MAN2C1: variants seen among roughly 807,000 people sequenced by gnomAD.
MAN2C1 encodes the protein alpha-mannosidase 2C1.
MAN2C1 carries 111 observed loss-of-function variants against 126.9 expected under a neutral mutation model. The ratio of observed to expected loss-of-function variants is 0.87; its 90% CI spans 0.75 to 1.02. The LOEUF (loss-of-function observed/expected upper bound fraction) is 1.02. Ranked by LOEUF, MAN2C1 falls within the 50% of genes least tolerant of loss-of-function variation. The pLI is 0.00. For missense variants in MAN2C1, 1,363 were observed against 1,364.4 expected, an observed-to-expected ratio of 1.00 and a Z score of 0.02; for synonymous variants, 567 against 561.5, an observed-to-expected ratio of 1.01 and a Z score of -0.14.
In MAN2C1 at chr15:75,366,425, G is replaced by A. The variant is rs951579694; in HGVS notation, c.422+97C>T. Reference sequence around the variant, plus strand: ...ATGTGAGGATGATTGTGCTAGAGCAGAGGCGGGCTTATGAGATCACTCTGG... The same window carrying A: ...ATGTGAGGATGATTGTGCTAGAGCAAAGGCGGGCTTATGAGATCACTCTGG... On this transcript the variant is annotated intron_variant, in intron 4 of 25. Coordinates refer to ENST00000267978, the MANE Select transcript of MAN2C1 (RefSeq NM_006715.4). The A allele has an allele frequency of 6.9e-5, 65 of 946,356 alleles. No homozygotes were observed. In the Admixed American group the frequency reaches 1.4e-3, roughly 21 times the overall value. 58.6% of individuals were successfully genotyped at this position (946,356 alleles called of 1,614,324 possible).
rs868667328 is a variant in MAN2C1, at chr15:75,365,698, C to T, written c.422+824G>A. On this transcript the variant is annotated intron_variant, in intron 4 of 25. Transcript: ENST00000267978. ...CCGAGATCGTGCCATTGCACTCCAG[C>T]CTGGGTAACAAAAGCGAAACTCCGT... 4 of 221,786 alleles carry T rather than the reference C, an allele frequency of 1.8e-5. No individual in the cohort carries two copies. In the Middle Eastern group the frequency reaches 1.9e-3, roughly 104 times the overall value. The allele number at this position is 221,786 out of a possible 1,614,324, so 13.7% of individuals were successfully genotyped here.
chr15:75,367,813 G>A, intron 2 of MAN2C1, 179 bp from the exon 3 acceptor site: 1 of 917,152 alleles, frequency 1.1e-6, no homozygotes, highest in Non-Finnish European at 1.6e-6. Context: ...GAAACAGGCA[G>A]AGGCGTCAAA....
In MAN2C1 at chr15:75,356,659, G is replaced by C; in HGVS notation, c.2684C>G (p.Ala895Gly). The C allele has an allele frequency of 6.3e-7, 1 of 1,581,622 alleles. No homozygotes were observed. The highest frequency in any genetic ancestry group is 8.6e-7 in the Non-Finnish European group (1 of 1,164,186). ...SLLRAPKAPD[A>G]TADTGRHEFT... ...CTCGTGGCGCCCCGTGTCAGCAGTA[G>C]CGTCCGGGGCTTTAGGCGCCCGCAA... The change falls in exon 23 of 26, where the codon GCT becomes GGT. Residue 895 changes from alanine (A) to glycine (G), a missense_variant. Around this residue, in one of 3 missense-constraint regions of MAN2C1, gnomAD observed 668 missense variants for 650.1 expected, o/e 1.03. Coordinates refer to ENST00000267978, the MANE Select transcript of MAN2C1 (RefSeq NM_006715.4). This position sits in a 1 kb window ranked among gnomAD's most constrained non-coding sequence, Gnocchi z 5.8.
chr15:75,362,850 T>G lies in MAN2C1; in HGVS notation c.791-102A>C. ...CTAGCCCCCCTCCCATCCCAGGCCCTTCACCCTGGAAAGCCCTGTGGTGTC... is the reference window on the plus strand; with the variant it reads ...CTAGCCCCCCTCCCATCCCAGGCCCGTCACCCTGGAAAGCCCTGTGGTGTC... On this transcript the variant is annotated intron_variant, in intron 6 of 25. Transcript: ENST00000267978. This position sits in a 1 kb window ranked among gnomAD's most constrained non-coding sequence, Gnocchi z 4.5. 1 of 959,930 alleles carries G rather than the reference T, an allele frequency of 1.0e-6. No homozygotes were observed. The highest frequency in any genetic ancestry group is 1.6e-6 in the Non-Finnish European group (1 of 614,616). 59.5% of individuals were successfully genotyped at this position (959,930 alleles called of 1,614,324 possible).
chr15:75,360,506 T>C, intron 13 of MAN2C1, 59 bp downstream of exon 13: 1 of 1,598,524 alleles, frequency 6.3e-7, no homozygotes, highest in Non-Finnish European at 8.5e-7. Context: ...CTGCCTTCTC[T>C]GACCCTCTGC....
rs1036428832 is a variant in MAN2C1, at chr15:75,362,933, G to A, written c.791-185C>T. ...GAGGTGGGAGGAGGGGCTGGGGAAA[G>A]GAGGCGGCAGTGCTATGAGGCCAAT... is the stretch of plus-strand genomic sequence containing the variant. On this transcript the variant is annotated intron_variant, in intron 6 of 25. Transcript: ENST00000267978. The surrounding 1 kb of genome is among the most constrained non-coding windows in gnomAD (Gnocchi z 4.5). 11 of 598,784 alleles carry A rather than the reference G, an allele frequency of 1.8e-5. No homozygotes were observed. Among genetic ancestry groups the A allele is most frequent in the African/African-American group, 1.5e-4 (8 of 53,902 alleles). 37.1% of individuals were successfully genotyped at this position (598,784 alleles called of 1,614,324 possible).
chr15:75,360,802 C>T, intron 12 of MAN2C1, 114 bp from the exon 13 acceptor site: 1 of 1,417,134 alleles, frequency 7.1e-7, no homozygotes, highest in Non-Finnish European at 9.6e-7. Context: ...CCAGAAAGCT[C>T]CCCGTTCACA....
intron 6 of MAN2C1, 24 bp downstream of exon 6, chr15:75,363,975 C>T (rs781014274): frequency 6.2e-7 from 1 of 1,611,780 alleles, no homozygotes; most frequent in Admixed American, 1.7e-5. Context: ...CTTCCCCAGC[C>T]AGCCCAACCA....
Position 75,355,949 on chromosome 15 carries a change from T to C in MAN2C1, c.3080A>G (p.Gln1027Arg), listed in dbSNP as rs2072278430. The C allele has an allele frequency of 6.2e-7, 1 of 1,613,968 alleles. No homozygotes were observed. ...NRLKLTFSPF[Q>R]VLSLLLVLQP... The stretch of plus-strand genomic sequence containing the variant: ...AAGCACGAGCAACAGGGACAGCACT[T>C]GGAAGGGAGAAAAGGTGAGCTTCAG... The change falls in exon 26 of 26, where the codon CAA becomes CGA. Residue 1027 changes from glutamine to arginine, a missense_variant. Transcript: ENST00000267978.
intron 3 of MAN2C1, among the ~76,000 whole-genome samples, chr15:75,367,242 T>C (rs1024958379): frequency 5.3e-5 from 8 of 152,098 alleles, no homozygotes; most frequent in African/African-American, 1.9e-4. Context: ...TGGTTATAGC[T>C]GGGGAATGGG....
In MAN2C1 at chr15:75,362,783, A is replaced by G; in HGVS notation, c.791-35T>C. On this transcript the variant is annotated intron_variant, in intron 6 of 25. Transcript: ENST00000267978. The surrounding 1 kb of genome is among the most constrained non-coding windows in gnomAD (Gnocchi z 4.5). The stretch of plus-strand genomic sequence containing the variant: ...GAGTGAGGTGGAGGACAGAGGGAGC[A>G]GCAAGGCTGACCAGGCCTGGGCTGG... 6.3e-7 allele frequency: 1 copy of G among 1,584,090 alleles called. No homozygotes were observed. Among genetic ancestry groups the G allele is most frequent in the Non-Finnish European group, 8.7e-7 (1 of 1,153,748 alleles).
In MAN2C1 at chr15:75,361,509, TG is replaced by T; in HGVS notation, c.1218+94del. On this transcript the variant is annotated intron_variant, in intron 10 of 25. Transcript: ENST00000267978. This position sits in a 1 kb window ranked among gnomAD's most constrained non-coding sequence, Gnocchi z 5.0. ...TGGCAGAGGCAGAGTGAGGGTTTGG[TG>T]GTCTGTCTAGGACCCCACAATAAGG... The T allele has an allele frequency of 7.8e-7, 1 of 1,274,898 alleles. No individual in the cohort carries two copies. The highest frequency in any genetic ancestry group is 1.1e-6 in the Non-Finnish European group (1 of 874,468). The allele number at this position is 1,274,898 out of a possible 1,614,324, so 79.0% of individuals were successfully genotyped here.
chr15:75,359,737 C>T lies in MAN2C1; in HGVS notation c.1831G>A (p.Ala611Thr), dbSNP rs1449027454. The change falls in exon 16 of 26, where the codon GCC becomes ACC. Residue 611 changes from alanine (A) to threonine (T), a missense_variant. By Grantham distance (58) the Ala-to-Thr change is moderately conservative. Coordinates refer to ENST00000267978, the MANE Select transcript of MAN2C1 (RefSeq NM_006715.4). ...SHGNTLLSAA[A>T]AALCAGEPGP... ...GGCTCCCCAGCACACAGGGCTGCGG[C>T]TGCAGCGCTGAGCAGTGTATTGCCA... is the stretch of plus-strand genomic sequence containing the variant. 1.1e-5 allele frequency: 18 copies of T among 1,614,028 alleles called. No homozygotes were observed. Among genetic ancestry groups the T allele is most frequent in the Non-Finnish European group, 1.4e-5 (17 of 1,180,038 alleles).
At chr15:75,364,273 G>A in intron 5 of MAN2C1, 85 bp from the exon 6 acceptor site, 1 of 1,427,016 alleles carries the variant, frequency 7.0e-7, no homozygotes, top group Non-Finnish European at 9.3e-7. Context: ...TCTCAGCAGA[G>A]CTCCCCTGAC....
chr15:75,358,345 C>A lies in MAN2C1; in HGVS notation c.2404-1G>T, dbSNP rs369428112. 9 of 1,614,022 alleles carry A rather than the reference C, an allele frequency of 5.6e-6. No individual in the cohort carries two copies. Among genetic ancestry groups the A allele is most frequent in the Middle Eastern group, 1.6e-4 (1 of 6,084 alleles). On this transcript the variant is annotated splice_acceptor_variant, in intron 20 of 25. Transcript: ENST00000267978. LOFTEE classifies it high-confidence loss of function. ...ACTTGTGGGCCTCATGCCAGTGTACCTGGGAGTGGGAAGGAGGGTGGGAGT... is the reference window on the plus strand; with the variant it reads ...ACTTGTGGGCCTCATGCCAGTGTACATGGGAGTGGGAAGGAGGGTGGGAGT...
At position 75,362,768 on chromosome 15, in the gene MAN2C1, G is replaced by A; in HGVS notation, c.791-20C>T. ...GCCAGGCTATACGGGGAGTGAGGTG[G>A]AGGACAGAGGGAGCAGCAAGGCTGA... is the stretch of plus-strand genomic sequence containing the variant. On this transcript the variant is annotated intron_variant, in intron 6 of 25. Transcript: ENST00000267978. The surrounding 1 kb of genome is among the most constrained non-coding windows in gnomAD (Gnocchi z 4.5). 1 of 1,604,754 alleles carries A rather than the reference G, an allele frequency of 6.2e-7. No individual in the cohort carries two copies. Among genetic ancestry groups the A allele is most frequent in the Non-Finnish European group, 8.5e-7 (1 of 1,171,874 alleles).
In MAN2C1 at chr15:75,356,796, G is replaced by T; in HGVS notation, c.2654C>A (p.Ser885Ter). 1.2e-6 allele frequency: 2 copies of T among 1,614,044 alleles called. No individual in the cohort carries two copies. Among genetic ancestry groups the T allele is most frequent in the Non-Finnish European group, 1.7e-6 (2 of 1,180,028 alleles). ...ASVRGSILSL[S>*]LLRAPKAPDA... The stretch of plus-strand genomic sequence containing the variant: ...GCCTGGTGGGTACCCCACTTACAGC[G>T]AGAGGCTGAGGATGCTGCCTCGCAC... Residue 885 changes from serine (S) to a stop codon, truncating the protein, a stop_gained, in exon 22 of 26, where the codon TCG (serine) becomes TAG (stop). Coordinates refer to ENST00000267978, the MANE Select transcript of MAN2C1 (RefSeq NM_006715.4). LOFTEE classifies it high-confidence loss of function. This position sits in a 1 kb window ranked among gnomAD's most constrained non-coding sequence, Gnocchi z 5.8.
chr15:75,367,860 T>C, intron 2 of MAN2C1: 1 of 870,132 alleles, frequency 1.1e-6, no homozygotes, highest in Non-Finnish European at 1.7e-6. Flanking sequence ...CTAAGGGATG[T>C]CCAGAGGCGG....
chr15:75,359,225 C>G, intron 17 of MAN2C1, 72 bp from the exon 18 acceptor site: 1 of 1,592,646 alleles, frequency 6.3e-7, no homozygotes, highest in Non-Finnish European at 8.6e-7. Context: ...ACCCCAACCC[C>G]AGCCCCGCCT....
Sources: gnomAD v4.1 joint callset for allele counts (sites outside exome capture counted in the v4.1 genomes callset) on GRCh38, gnomAD v4.1.1 for gene constraint, gnomAD v4.1.1 regional missense constraint, Gnocchi (gnomAD v3.1) non-coding constraint, MANE v1.5 for transcripts, NCBI Gene and HGNC (gene_info 2026-07-23, HGNC 2026-07-21) for gene names.